The following NRXN3 variants were observed in gnomAD, a reference collection of about 807,000 sequenced individuals.
The protein encoded by NRXN3 is neurexin III.
A neutral mutation model predicts 137.6 loss-of-function variants in NRXN3; 32 were observed. The ratio of observed to expected loss-of-function variants is 0.23; its 90% CI spans 0.18 to 0.31. The LOEUF (loss-of-function observed/expected upper bound fraction) is 0.31, where lower values mean the gene tolerates loss of function less well. Ranked by LOEUF, NRXN3 falls within the 10% of genes least tolerant of loss-of-function variation. The pLI, the probability that NRXN3 is intolerant of heterozygous loss-of-function variation, is 1.00. For missense variants in NRXN3, 1,574 were observed against 2,062.5 expected, an observed-to-expected ratio of 0.76 and a Z score of 4.59; for synonymous variants, 798 against 784.5, an observed-to-expected ratio of 1.02 and a Z score of -0.29.
intron 16 of NRXN3, among the ~76,000 whole-genome samples, chr14:79,471,166 A>G (rs1305617475): frequency 6.6e-6 from 1 of 152,148 alleles, no homozygotes; most frequent in African/African-American, 2.4e-5. Context: ...CTCTTCCAAG[A>G]ACACTAGAGA....
chr14:79,101,189 GAGGC>G (rs1227538782), intron 15 of NRXN3, among the ~76,000 whole-genome samples: 1 of 152,176 alleles, frequency 6.6e-6, no homozygotes, highest in Non-Finnish European at 1.5e-5. Flanking sequence ...AAAAGGAGGG[GAGGC>G]ACTCAGGGCA....
At chr14:79,545,306 A>G (rs917901429) in intron 16 of NRXN3, among the ~76,000 whole-genome samples, 2 of 152,128 alleles carry the variant, frequency 1.3e-5, no homozygotes, top group Non-Finnish European at 2.9e-5. Flanking sequence ...GGAACAATCT[A>G]CTTCCTTGCT....
intron 10 of NRXN3, among the ~76,000 whole-genome samples, chr14:78,852,382 C>A (rs2099045020): frequency 6.6e-6 from 1 of 152,118 alleles, no homozygotes; most frequent in African/African-American, 2.4e-5. Context: ...TATAAATTAG[C>A]TTATTACTAT....
Position 78,682,016 on chromosome 14 carries a change from C to A in NRXN3, c.1222-27201C>A, listed in dbSNP as rs186788890. Among the ~76,000 whole-genome samples, 14 of 152,078 alleles carry A rather than the reference C, an allele frequency of 9.2e-5. No homozygotes were observed. The East Asian group carries it at 2.7e-3, about 29-fold the overall frequency. On this transcript the variant is annotated intron_variant, in intron 6 of 20. Transcript: ENST00000335750. ...TCCAGTAGCAGCGATTACAGGCGAG[C>A]GCCACCATGCCCGGCTAATTTTTGT... is the stretch of plus-strand genomic sequence containing the variant.
Position 79,844,804 on chromosome 14 carries a change from C to T in NRXN3, c.4094-16538C>T, listed in dbSNP as rs534187971. 2.6e-5 allele frequency among the ~76,000 whole-genome samples: 4 copies of T among 152,290 alleles called. No individual in the cohort carries two copies. The South Asian group carries it at 8.3e-4, about 32-fold the overall frequency. On this transcript the variant is annotated intron_variant, in intron 20 of 20. Coordinates refer to ENST00000335750, the MANE Select transcript of NRXN3 (RefSeq NM_001330195.2). ...CTTTAAGTCACCAGCTACATTAGCC[C>T]TTAACTAGAGAATCTGCCTGTTCTT...
At chr14:79,691,478 A>G (rs1235573501) in intron 17 of NRXN3, among the ~76,000 whole-genome samples, 3 of 152,052 alleles carry the variant, frequency 2.0e-5, no homozygotes, top group African/African-American at 4.8e-5. Context: ...AATTACCTCT[A>G]TTTCCTTTGA....
intron 4 of NRXN3, among the ~76,000 whole-genome samples, chr14:78,543,973 T>G (rs973588867): frequency 3.3e-5 from 5 of 152,116 alleles, no homozygotes; most frequent in African/African-American, 1.2e-4. Flanking sequence ...ATATTAAAAC[T>G]CTCTGCCTGA....
At chr14:78,195,618 AG>A (rs1185693527) in intron 1 of NRXN3, among the ~76,000 whole-genome samples, 1 of 152,162 alleles carries the variant, frequency 6.6e-6, no homozygotes, top group East Asian at 1.9e-4. Flanking sequence ...GGGATGAGAG[AG>A]CGAGAGCAAC....
Position 78,865,868 on chromosome 14 carries a change from G to A in NRXN3, c.2275+55524G>A, listed in dbSNP as rs31359. On this transcript the variant is annotated intron_variant, in intron 10 of 20. Coordinates refer to ENST00000335750, the MANE Select transcript of NRXN3 (RefSeq NM_001330195.2). ...TCAATGAGAGAGATCAATTAGAGCA[G>A]CATTACTTCTACAGTGGGAAAATTT... Among the ~76,000 whole-genome samples, 926 of 152,188 alleles carry A rather than the reference G, an allele frequency of 6.1e-3. 7 individuals carry two copies. The highest frequency in any genetic ancestry group is 0.022 in the African/African-American group (899 of 41,528).
chr14:78,178,564 G>T (rs565075942), intron 1 of NRXN3, among the ~76,000 whole-genome samples: 1 of 152,122 alleles, frequency 6.6e-6, no homozygotes, highest in Non-Finnish European at 1.5e-5. Flanking sequence ...TTGCTGTGTC[G>T]CCCTAAACCT....
intron 19 of NRXN3, among the ~76,000 whole-genome samples, chr14:79,745,062 G>GCTAA (rs1265303605): frequency 8.6e-5 from 13 of 150,636 alleles, no homozygotes; most frequent in Admixed American, 1.3e-4. Context: ...ATTGTTTTTA[G>GCTAA]CTAACTCTAC....
chr14:79,187,089 C>T (rs1260607409), intron 15 of NRXN3, among the ~76,000 whole-genome samples: 1 of 152,206 alleles, frequency 6.6e-6, no homozygotes, highest in Non-Finnish European at 1.5e-5. Context: ...GGGCTTCGTT[C>T]ACCTAGAACC....
intron 4 of NRXN3, among the ~76,000 whole-genome samples, chr14:78,339,600 A>C (rs947686426): frequency 6.6e-6 from 1 of 152,114 alleles, no homozygotes; most frequent in Non-Finnish European, 1.5e-5. Flanking sequence ...TTGGAATCCA[A>C]CTGCTTGAGT....
intron 16 of NRXN3, among the ~76,000 whole-genome samples, chr14:79,608,618 G>C (rs1007470006): frequency 1.4e-4 from 22 of 152,346 alleles, no homozygotes; most frequent in African/African-American, 4.6e-4. Context: ...GCTGGTGCTA[G>C]GTTAGCTGCC....
rs537604719 is a variant in NRXN3, at chr14:78,318,794, C to T, written c.757+20934C>T. 7.0e-4 allele frequency among the ~76,000 whole-genome samples: 107 copies of T among 152,278 alleles called. 4 individuals are homozygous for T. In the South Asian group the frequency reaches 0.021, roughly 29 times the overall value. On this transcript the variant is annotated intron_variant, in intron 4 of 20. Coordinates refer to ENST00000335750, the MANE Select transcript of NRXN3 (RefSeq NM_001330195.2). Reference sequence around the variant, plus strand: ...GGAAGGATGTGGTTATCAGGTTCTTCAAACCAAATACCATGAGAGCAAAGG... The same window carrying T: ...GGAAGGATGTGGTTATCAGGTTCTTTAAACCAAATACCATGAGAGCAAAGG...
chr14:78,356,431 A>T (rs143552123), intron 4 of NRXN3, among the ~76,000 whole-genome samples: 224 of 152,382 alleles, frequency 1.5e-3, no homozygotes, highest in Middle Eastern at 0.01. Context: ...AATCCTAGAA[A>T]GGAACAAACT....
At chr14:79,376,613 A>G (rs1254140914) in intron 15 of NRXN3, among the ~76,000 whole-genome samples, 1 of 152,154 alleles carries the variant, frequency 6.6e-6, no homozygotes, top group Non-Finnish European at 1.5e-5. Context: ...AAGGGTAGGC[A>G]TTGTATAAAG....
intron 16 of NRXN3, among the ~76,000 whole-genome samples, chr14:79,640,079 C>T (rs970625829): frequency 7.4e-6 from 1 of 135,010 alleles, no homozygotes; most frequent in Admixed American, 7.9e-5. Flanking sequence ...AATAATTTGT[C>T]CAATAAATGA....
At chr14:78,692,895 A>T (rs2098186348) in intron 6 of NRXN3, among the ~76,000 whole-genome samples, 1 of 149,764 alleles carries the variant, frequency 6.7e-6, no homozygotes, top group South Asian at 2.1e-4. Flanking sequence ...AGCCTGGCCA[A>T]CATAGTGAAA....
Sources: gnomAD v4.1 joint callset for allele counts (sites outside exome capture counted in the v4.1 genomes callset) on GRCh38, gnomAD v4.1.1 for gene constraint, MANE v1.5 for transcripts, NCBI Gene and HGNC (gene_info 2026-07-23, HGNC 2026-07-21) for gene names.